Variants in PHACTR1 observed in about 807,000 individuals in gnomAD.
The protein encoded by PHACTR1 is phosphatase and actin regulator 1, also known as RPEL repeat containing 1.
PHACTR1 carries 16 observed loss-of-function variants against 69.2 expected under a neutral mutation model. That is an observed-to-expected ratio of 0.23 (90% confidence interval 0.16 to 0.35). The LOEUF is 0.35. Ranked by LOEUF, PHACTR1 falls within the 10% of genes least tolerant of loss-of-function variation. The probability of loss-of-function intolerance (pLI) is 1.00; values close to 1 mark genes in which losing one functional copy is unlikely to be tolerated. For synonymous variants in PHACTR1, 312 were observed against 284.5 expected, an observed-to-expected ratio of 1.10 and a Z score of -0.97; for missense variants, 510 against 734.7, an observed-to-expected ratio of 0.69 and a Z score of 3.54.
chr6:12,861,943 A>G (rs1164261427), intron 4 of PHACTR1, among the ~76,000 whole-genome samples: 1 of 152,240 alleles, frequency 6.6e-6, no homozygotes, highest in Admixed American at 6.5e-5. Context: ...TATGTAAAGT[A>G]CCATGTATGT....
intron 4 of PHACTR1, among the ~76,000 whole-genome samples, chr6:12,773,040 A>C (rs1415215557): frequency 6.6e-6 from 1 of 152,220 alleles, no homozygotes; most frequent in Non-Finnish European, 1.5e-5. Context: ...AAATAAGAAA[A>C]TATGCCCTTT....
At chr6:13,204,308 A>G (rs1261899589) in intron 7 of PHACTR1, among the ~76,000 whole-genome samples, 3 of 152,130 alleles carry the variant, frequency 2.0e-5, no homozygotes, top group Non-Finnish European at 2.9e-5. Context: ...GGCCACGTTC[A>G]AGGCAGATAG....
At chr6:12,919,847 A>G (rs1017721718) in intron 4 of PHACTR1, among the ~76,000 whole-genome samples, 1 of 152,186 alleles carries the variant, frequency 6.6e-6, no homozygotes, top group Non-Finnish European at 1.5e-5. Context: ...GGAATCCAGC[A>G]CTGTGCCTAG....
In PHACTR1 at chr6:13,232,647, G is replaced by A. The variant is rs144514191; in HGVS notation, c.1391+2454G>A. Among the ~76,000 whole-genome samples, 438 of 152,188 alleles carry A rather than the reference G, an allele frequency of 2.9e-3. 3 individuals carry two copies. Among genetic ancestry groups the A allele is most frequent in the African/African-American group, 9.9e-3 (410 of 41,524 alleles). ...CCATTGGTCTTATTCTGTGTTTTCT[G>A]CACCCTCATCCCCCATAACATGGCA... On this transcript the variant is annotated intron_variant, in intron 10 of 14. Transcript: ENST00000332995.
chr6:13,195,779 A>AAAAAAAAAAAAAAAAAC, intron 7 of PHACTR1, among the ~76,000 whole-genome samples: 1 of 118,588 alleles, frequency 8.4e-6, no homozygotes, highest in African/African-American at 3.2e-5. Flanking sequence ...AAAAAAAAAA[A>AAAAAAAAAAAAAAAAAC]AGTTCATTTG....
chr6:13,087,202 A>AATAT (rs71727736), intron 5 of PHACTR1, among the ~76,000 whole-genome samples: 1,953 of 147,474 alleles, frequency 0.013, 52 homozygotes, highest in African/African-American at 0.047. Flanking sequence ...TTAGATATCT[A>AATAT]ATATATATAT....
intron 3 of PHACTR1, among the ~76,000 whole-genome samples, chr6:12,732,133 C>A (rs1175506803): frequency 4.6e-5 from 7 of 151,968 alleles, no homozygotes; most frequent in Non-Finnish European, 1.0e-4. Flanking sequence ...TTACGATACA[C>A]ATAACTTGTT....
intron 8 of PHACTR1, among the ~76,000 whole-genome samples, chr6:13,222,879 G>A (rs1768912223): frequency 6.6e-6 from 1 of 152,194 alleles, no homozygotes; most frequent in African/African-American, 2.4e-5. Flanking sequence ...TGTCGAAAAA[G>A]CCTGGTCTAG....
At chr6:13,069,051 GCAGGCCCCGAGGC>G (rs1809103886) in intron 5 of PHACTR1, among the ~76,000 whole-genome samples, 1 of 152,126 alleles carries the variant, frequency 6.6e-6, no homozygotes, top group Admixed American at 6.6e-5. Flanking sequence ...AGACAGATGT[GCAGGCCCCGAGGC>G]CAGTGCTGTT....
intron 9 of PHACTR1, among the ~76,000 whole-genome samples, chr6:13,228,368 C>A (rs996381875): frequency 2.6e-5 from 4 of 152,056 alleles, no homozygotes; most frequent in Non-Finnish European, 5.9e-5. Flanking sequence ...TCTCCCCCAC[C>A]CAAAAAAAAC....
chr6:12,847,370 A>G (rs1779396482), intron 4 of PHACTR1, among the ~76,000 whole-genome samples: 3 of 152,220 alleles, frequency 2.0e-5, no homozygotes, highest in African/African-American at 7.2e-5. Flanking sequence ...CTCATCTATG[A>G]CAAAAGAGAT....
intron 13 of PHACTR1, 107 bp from the exon 14 acceptor site, chr6:13,286,039 G>A (rs1028267126): frequency 4.6e-6 from 4 of 868,328 alleles, no homozygotes; most frequent in Non-Finnish European, 6.6e-6. Context: ...TCTTAAACTT[G>A]TTTGTCTTTG....
chr6:13,193,607 C>A (rs574555402), intron 7 of PHACTR1, among the ~76,000 whole-genome samples: 43 of 151,916 alleles, frequency 2.8e-4, no homozygotes, highest in Admixed American at 1.5e-3. Context: ...AGACTGATCT[C>A]CAACTCCTGG....
At chr6:13,089,417 T>C (rs1360319962) in intron 5 of PHACTR1, among the ~76,000 whole-genome samples, 1 of 151,800 alleles carries the variant, frequency 6.6e-6, no homozygotes, top group Non-Finnish European at 1.5e-5. Flanking sequence ...GAGGTCTTCT[T>C]AGGTGCCTGG....
intron 4 of PHACTR1, among the ~76,000 whole-genome samples, chr6:13,024,675 G>A (rs1801440886): frequency 6.6e-6 from 1 of 152,172 alleles, no homozygotes; most frequent in African/African-American, 2.4e-5. Flanking sequence ...TTTTCTACTA[G>A]TCATGATATG....
At chr6:12,806,581 A>G (rs1295181092) in intron 4 of PHACTR1, among the ~76,000 whole-genome samples, 1 of 152,022 alleles carries the variant, frequency 6.6e-6, no homozygotes. Context: ...CCTCCCTCCT[A>G]GCTGGGATTA....
At position 12,729,538 on chromosome 6, in the gene PHACTR1, C is replaced by A. The variant is rs116510744; in HGVS notation, c.103+10691C>A. 9.0e-3 allele frequency among the ~76,000 whole-genome samples: 1,376 copies of A among 152,242 alleles called. 26 individuals are homozygous for A. The highest frequency in any genetic ancestry group is 0.031 in the African/African-American group (1,303 of 41,538). ...ACTCTGCCTAGGCTGACAGGTTATACTGTAGAGGTGGAGAATGGCGTAAGA... is the reference window on the plus strand; with the variant it reads ...ACTCTGCCTAGGCTGACAGGTTATAATGTAGAGGTGGAGAATGGCGTAAGA... On this transcript the variant is annotated intron_variant, in intron 3 of 14. Transcript: ENST00000332995.
chr6:13,263,677 C>G (rs113572759), intron 10 of PHACTR1, among the ~76,000 whole-genome samples: 14 of 152,128 alleles, frequency 9.2e-5, no homozygotes, highest in Admixed American at 2.6e-4. Context: ...GCAAAGTGAT[C>G]ACGTTTAGAT....
At chr6:13,079,274 C>T (rs909263171) in intron 5 of PHACTR1, among the ~76,000 whole-genome samples, 1 of 152,118 alleles carries the variant, frequency 6.6e-6, no homozygotes, top group Non-Finnish European at 1.5e-5. Context: ...TGGACAGATA[C>T]CCATGAGTGA....
Sources: allele counts gnomAD v4.1 joint callset (sites outside exome capture counted in the v4.1 genomes callset), GRCh38; gene constraint gnomAD v4.1.1; transcripts MANE v1.5; gene names NCBI Gene and HGNC (gene_info 2026-07-23, HGNC 2026-07-21).